The following CORO7 variants were observed in gnomAD, a reference collection of about 807,000 sequenced individuals.
CORO7 encodes coronin 7.
In CORO7, 107 loss-of-function variants were observed where a neutral mutation model predicts 126.6. The observed-to-expected ratio is 0.85, with a 90% CI of 0.72 to 0.99. CORO7 has a LOEUF of 0.99. CORO7 is among the 50% of genes least tolerant of loss of function. The pLI is 0.00. For synonymous variants in CORO7, 603 were observed against 536.8 expected, an observed-to-expected ratio of 1.12 and a Z score of -1.70; for missense variants, 1,314 against 1,255.8, an observed-to-expected ratio of 1.05 and a Z score of -0.70.
At chr16:4,363,066 C>T in intron 14 of CORO7, 1 of 246,178 alleles carries the variant, frequency 4.1e-6, no homozygotes, top group East Asian at 7.4e-5. Flanking sequence ...TAAGTGTTTG[C>T]CCAATTTAGA....
At chr16:4,363,668 C>CA (rs1447883367) in intron 14 of CORO7, among the ~76,000 whole-genome samples, 1 of 151,844 alleles carries the variant, frequency 6.6e-6, no homozygotes, top group Non-Finnish European at 1.5e-5. Context: ...GCCGAGATCG[C>CA]ACCATTGCAC....
chr16:4,381,883 G>T, intron 9 of CORO7: 1 of 1,604,984 alleles, frequency 6.2e-7, no homozygotes, highest in Non-Finnish European at 8.5e-7. Context: ...CAAGAACGCT[G>T]GCCGGCTGCT....
intron 6 of CORO7, among the ~76,000 whole-genome samples, chr16:4,400,796 G>A (rs2055769483): frequency 3.8e-5 from 2 of 53,276 alleles, no homozygotes; most frequent in African/African-American, 1.2e-4. Context: ...CTCCAGCAGT[G>A]CAATAATAAT....
chr16:4,365,640 C>A, intron 9 of CORO7, 95 bp from the exon 10 acceptor site: 1 of 1,489,678 alleles, frequency 6.7e-7, no homozygotes, highest in Non-Finnish European at 9.1e-7. Context: ...ACCACAGTGA[C>A]TGGGAGCCGC....
At chr16:4,370,038 A>G (rs1215633707) in intron 9 of CORO7, among the ~76,000 whole-genome samples, 3 of 152,128 alleles carry the variant, frequency 2.0e-5, no homozygotes, top group African/African-American at 7.2e-5. Flanking sequence ...GCAGGGGGTG[A>G]ACACCAGGCA....
intron 23 of CORO7, chr16:4,359,094 T>C: frequency 4.8e-6 from 3 of 629,756 alleles, no homozygotes; most frequent in African/African-American, 1.9e-5. Context: ...TTAATAATGG[T>C]TGAGTATGAC....
chr16:4,366,147 G>A (rs1287386881), intron 9 of CORO7, among the ~76,000 whole-genome samples: 9 of 152,168 alleles, frequency 5.9e-5, no homozygotes, highest in Admixed American at 5.2e-4. Flanking sequence ...CCACGTGCCC[G>A]GGAGAAGGGG....
At chr16:4,405,624 T>C (rs1365253674) in intron 5 of CORO7, 57 bp from the exon 6 acceptor site, 2 of 1,537,874 alleles carry the variant, frequency 1.3e-6, no homozygotes, top group African/African-American at 1.4e-5. Flanking sequence ...GGGAAGTGGG[T>C]GGGGGCGGGC....
intron 8 of CORO7, 35 bp downstream of exon 8, chr16:4,388,510 G>C: frequency 6.3e-7 from 1 of 1,597,788 alleles, no homozygotes; most frequent in Non-Finnish European, 8.5e-7. Flanking sequence ...GTCCCCACCT[G>C]GCCGTGCCCT....
intron 4 of CORO7, 96 bp from the exon 5 acceptor site, chr16:4,407,780 G>A (rs2056060776): frequency 7.1e-7 from 1 of 1,411,624 alleles, no homozygotes; most frequent in South Asian, 1.5e-5. Flanking sequence ...TTGGAACTAG[G>A]CTGCTCCAGG....
At chr16:4,382,071 G>A (rs746508419) in intron 9 of CORO7, 17 of 1,584,290 alleles carry the variant, frequency 1.1e-5, no homozygotes, top group Middle Eastern at 1.7e-4. Context: ...CTGCCCCACC[G>A]ACTGTAGGGC....
intron 14 of CORO7, among the ~76,000 whole-genome samples, chr16:4,363,995 G>C (rs2054267841): frequency 6.6e-6 from 1 of 152,138 alleles, no homozygotes; most frequent in Non-Finnish European, 1.5e-5. Context: ...CTCTAGCCTG[G>C]GCAATAAGAG....
intron 9 of CORO7, among the ~76,000 whole-genome samples, chr16:4,386,860 C>G (rs944121968): frequency 6.6e-6 from 1 of 152,210 alleles, no homozygotes; most frequent in African/African-American, 2.4e-5. Flanking sequence ...TTGGCAGGAG[C>G]TCTCGCTGGT....
rs1388217750 is a variant in CORO7, at chr16:4,391,939, G to A, written c.616-3308C>T. Among the ~76,000 whole-genome samples the A allele has an allele frequency of 4.6e-5, 7 of 152,320 alleles. No individual in the cohort carries two copies. The South Asian group carries it at 8.3e-4, about 18-fold the overall frequency. On this transcript the variant is annotated intron_variant, in intron 7 of 27. Transcript: ENST00000251166. ...GCAGGGGGTGCAGGAGGGGAGGCGC[G>A]TGCCCGCCCCTTCATCACCATGGCG...
Position 4,388,533 on chromosome 16 carries a change from G to C in CORO7, c.702+12C>G. On this transcript the variant is annotated intron_variant, in intron 8 of 27. Transcript: ENST00000251166. Reference sequence around the variant, plus strand: ...CTGGCCGTGCCCTGCTCCTCCAGGAGGAACCCCCTACCTGGTTGAATCCAG... The same window carrying C: ...CTGGCCGTGCCCTGCTCCTCCAGGACGAACCCCCTACCTGGTTGAATCCAG... 6.2e-7 allele frequency: 1 copy of C among 1,610,446 alleles called. No individual in the cohort carries two copies. The highest frequency in any genetic ancestry group is 1.1e-5 in the South Asian group (1 of 90,268).
rs192757440 is a variant in CORO7 at position 4,354,755 on chromosome 16, C to G, written c.*403G>C. ...GGGGCCAGCCCCCAAGGCCCTTGAC[C>G]AGAACTGGAACAGCAGGCAAGATGG... On this transcript the variant is annotated 3_prime_UTR_variant, in exon 28 of 28. Coordinates refer to ENST00000251166, the MANE Select transcript of CORO7 (RefSeq NM_024535.5). 1,071 of 224,806 alleles carry G rather than the reference C, an allele frequency of 4.8e-3. 4 individuals are homozygous for G. Among genetic ancestry groups the G allele is most frequent in the Non-Finnish European group, 7.2e-3 (829 of 115,324 alleles). The allele number at this position is 224,806 out of a possible 1,614,324, so 13.9% of individuals were successfully genotyped here.
chr16:4,407,610 G>A lies in CORO7; in HGVS notation c.378C>T (p.Asp126=), dbSNP rs149704035. 4.8e-5 allele frequency: 77 copies of A among 1,599,346 alleles called. No individual in the cohort carries two copies. Among genetic ancestry groups the A allele is most frequent in the Non-Finnish European group, 5.6e-5 (66 of 1,173,158 alleles). Residue 126 remains aspartate (D), a synonymous_variant, in exon 5 of 28, where the codon GAC becomes GAT. Transcript: ENST00000251166. ...SAPGVVLGPE[D]LPVEVLQFHP... ...GGAACTGCAGTACCTCCACTGGGAGGTCCTCGGGGCCCAGCACCACCCCGG... is the reference window on the plus strand; with the variant it reads ...GGAACTGCAGTACCTCCACTGGGAGATCCTCGGGGCCCAGCACCACCCCGG...
intron 25 of CORO7, 127 bp from the exon 26 acceptor site, chr16:4,357,386 T>G (rs2054011878): frequency 9.7e-7 from 1 of 1,035,314 alleles, no homozygotes; most frequent in Non-Finnish European, 1.3e-6. Context: ...AGATGGAGTT[T>G]TGCTCTTGTT....
rs529508413 is a variant in CORO7, at chr16:4,367,268, G to A, written c.786-1723C>T. Among the ~76,000 whole-genome samples the A allele has an allele frequency of 5.9e-5, 9 of 152,334 alleles. No homozygotes were observed. In the East Asian group the frequency reaches 1.5e-3, roughly 26 times the overall value. On this transcript the variant is annotated intron_variant, in intron 9 of 27. Transcript: ENST00000251166. Reference sequence around the variant, plus strand: ...TGCTTGTAGAGGTGGAGGCGGAGGCGGAGGGTAGGGGACCAAGGTGGTGCG... The same window carrying A: ...TGCTTGTAGAGGTGGAGGCGGAGGCAGAGGGTAGGGGACCAAGGTGGTGCG...
Sources: allele counts gnomAD v4.1 joint callset (sites outside exome capture counted in the v4.1 genomes callset), GRCh38; gene constraint gnomAD v4.1.1; transcripts MANE v1.5; gene names NCBI Gene and HGNC (gene_info 2026-07-23, HGNC 2026-07-21).